The following ADNP2 variants were observed in gnomAD, a reference collection of about 807,000 sequenced individuals.
ADNP2 encodes ADNP homeobox 2.
ADNP2 carries 8 observed loss-of-function variants against 16.4 expected under a neutral mutation model. The ratio of observed to expected loss-of-function variants is 0.49; its 90% CI spans 0.29 to 0.88. The LOEUF is 0.88. ADNP2 is among the 40% of genes least tolerant of loss of function. ADNP2 has a pLI of 0.09. For synonymous variants in ADNP2, 637 were observed against 545.8 expected, an observed-to-expected ratio of 1.17 and a Z score of -2.33; for missense variants, 1,397 against 1,395.1, an observed-to-expected ratio of 1.00 and a Z score of -0.02.
At chr18:80,131,761 A>T (rs1268323322) in intron 2 of ADNP2, among the ~76,000 whole-genome samples, 1 of 151,120 alleles carries the variant, frequency 6.6e-6, no homozygotes, top group African/African-American at 2.4e-5. Context: ...AGAAAACCAA[A>T]CACTGCATGT....
At position 80,138,346 on chromosome 18, in the gene ADNP2, G is replaced by A; in HGVS notation, c.2933G>A (p.Arg978Lys). ...VMHDSSFSVKRKLPDGHLGAE... is the reference protein window; with the variant it reads ...VMHDSSFSVKKKLPDGHLGAE... ...CATGATTCCAGTTTTTCTGTTAAGA[G>A]AAAGCTGCCTGACGGCCACTTAGGG... Residue 978 changes from arginine (R) to lysine (K), a missense_variant, in exon 4 of 4, where the codon AGA becomes AAA. This residue lies in a region of ADNP2 where 611 missense variants were observed against 648.7 expected (regional missense o/e 0.94). Transcript: ENST00000262198. The A allele has an allele frequency of 1.2e-6, 2 of 1,614,126 alleles. No homozygotes were observed. The highest frequency in any genetic ancestry group is 2.2e-5 in the South Asian group (2 of 91,090).
rs1469258936 is a variant in ADNP2, at chr18:80,137,761, A to G, written c.2348A>G (p.Lys783Arg). 3 of 1,614,228 alleles carry G rather than the reference A, an allele frequency of 1.9e-6. No individual in the cohort carries two copies. Among genetic ancestry groups the G allele is most frequent in the Non-Finnish European group, 2.5e-6 (3 of 1,180,038 alleles). Residue 783 changes from lysine to arginine, a missense_variant, in exon 4 of 4, where the codon AAA becomes AGA. Lys to Arg is a conservative substitution (Grantham distance 26, BLOSUM62 2). Transcript: ENST00000262198. This position sits in a 1 kb window ranked among gnomAD's most constrained non-coding sequence, Gnocchi z 4.2. ...TGTCCATGCACCTTCCATGATATCA[A>G]AGGTCTTTCAGAGCACAGCAGGAAT... is the stretch of plus-strand genomic sequence containing the variant. The part of the protein sequence containing the change: ...LFCPCTFHDI[K>R]GLSEHSRNRH...
At chr18:80,133,567 T>C (rs1013373691) in intron 3 of ADNP2, 6 of 193,292 alleles carry the variant, frequency 3.1e-5, no homozygotes, top group African/African-American at 1.2e-4. Flanking sequence ...AATGTAGACC[T>C]CTGAATCAAG....
intron 2 of ADNP2, among the ~76,000 whole-genome samples, chr18:80,123,032 AT>A (rs2052434922): frequency 1.3e-5 from 2 of 151,464 alleles, no homozygotes; most frequent in East Asian, 1.9e-4. Flanking sequence ...AACCTGTTGG[AT>A]TTTATCAGAT....
chr18:80,127,624 C>T (rs1411396426), intron 2 of ADNP2, among the ~76,000 whole-genome samples: 2 of 151,902 alleles, frequency 1.3e-5, no homozygotes, highest in Non-Finnish European at 2.9e-5. Context: ...TGTTTTTTGA[C>T]TGGCAGTTTT....
chr18:80,115,926 G>A (rs1286070423), intron 1 of ADNP2, among the ~76,000 whole-genome samples: 3 of 152,068 alleles, frequency 2.0e-5, no homozygotes, highest in Non-Finnish European at 4.4e-5. Context: ...CAGGTGCCCA[G>A]CTAATTTTTT....
Position 80,131,875 on chromosome 18 carries a change from G to A in ADNP2, c.109-1228G>A, listed in dbSNP as rs530594504. ...GGGGTGGGGGGCAGGGGGAGGGATA[G>A]CATTAGGAGAAATACCTAATGTAAA... On this transcript the variant is annotated intron_variant, in intron 2 of 3. Transcript: ENST00000262198. Among the ~76,000 whole-genome samples, 87 of 152,186 alleles carry A rather than the reference G, an allele frequency of 5.7e-4. No individual in the cohort carries two copies. In the South Asian group the frequency reaches 0.017, roughly 30 times the overall value.
In ADNP2 at chr18:80,136,616, A is replaced by AC; in HGVS notation, c.1207dup (p.Leu403ProfsTer144). On this transcript the variant is annotated frameshift_variant, in exon 4 of 4. Transcript: ENST00000262198. LOFTEE classifies it low-confidence loss of function (END_TRUNC). The stretch of plus-strand genomic sequence containing the variant: ...ATCAGACTGTTCGCCCTGGGGTTTT[A>AC]CCCCTCACCCAGCCTGTGGGACCCA... The AC allele has an allele frequency of 6.2e-7, 1 of 1,613,704 alleles. No homozygotes were observed. Among genetic ancestry groups the AC allele is most frequent in the Non-Finnish European group, 8.5e-7 (1 of 1,179,936 alleles).
intron 2 of ADNP2, among the ~76,000 whole-genome samples, chr18:80,122,620 G>A (rs2052431954): frequency 6.6e-6 from 1 of 152,294 alleles, no homozygotes; most frequent in Non-Finnish European, 1.5e-5. Flanking sequence ...TTCCTGTTCA[G>A]ATTTTTCAGT....
chr18:80,110,345 T>G (rs888044400), intron 1 of ADNP2, among the ~76,000 whole-genome samples: 1 of 152,208 alleles, frequency 6.6e-6, no homozygotes, highest in African/African-American at 2.4e-5. Flanking sequence ...CTTGCCTGCG[T>G]GCTTAAAACT....
intron 1 of ADNP2, among the ~76,000 whole-genome samples, chr18:80,112,665 C>G (rs2052365312): frequency 1.3e-5 from 2 of 152,214 alleles, no homozygotes; most frequent in Admixed American, 6.5e-5. Context: ...AGACCCCTGC[C>G]CAATCTCTGA....
At chr18:80,115,939 A>G (rs371694450) in intron 1 of ADNP2, among the ~76,000 whole-genome samples, 153 of 152,092 alleles carry the variant, frequency 1.0e-3, no homozygotes, top group African/African-American at 3.4e-3. Context: ...AATTTTTTGT[A>G]TTTTTAGTAG....
At chr18:80,135,314 G>T (rs2052524577) in intron 3 of ADNP2, among the ~76,000 whole-genome samples, 1 of 152,324 alleles carries the variant, frequency 6.6e-6, no homozygotes, top group Admixed American at 6.5e-5. Flanking sequence ...ATTCAAATTG[G>T]TGTTTGTAAA....
intron 1 of ADNP2, among the ~76,000 whole-genome samples, chr18:80,113,724 A>G (rs1328460007): frequency 6.6e-6 from 1 of 152,192 alleles, no homozygotes; most frequent in Non-Finnish European, 1.5e-5. Flanking sequence ...AGTTCAGCCC[A>G]ATAGGAGAAA....
At chr18:80,123,510 C>G (rs1237302602) in intron 2 of ADNP2, among the ~76,000 whole-genome samples, 1 of 149,846 alleles carries the variant, frequency 6.7e-6, no homozygotes, top group Admixed American at 6.7e-5. Flanking sequence ...AGCTGAGATT[C>G]AGGCATGCGC....
Position 80,138,633 on chromosome 18 carries a change from G to C in ADNP2, c.3220G>C (p.Glu1074Gln). ...KKPYPSKKEI[E>Q]LLSSLFWVWK... is the part of the protein sequence containing the mutation. ...ACCATATCCTAGTAAAAAGGAAATAGAACTGTTGTCCTCACTCTTTTGGGT... is the reference window on the plus strand; with the variant it reads ...ACCATATCCTAGTAAAAAGGAAATACAACTGTTGTCCTCACTCTTTTGGGT... Residue 1074 changes from glutamate (E) to glutamine (Q), a missense_variant, in exon 4 of 4, where the codon GAA (glutamate) becomes CAA (glutamine). Physicochemically the swap from Glu to Gln is conservative, Grantham distance 29. Around this residue, in one of 3 missense-constraint regions of ADNP2, gnomAD observed 611 missense variants for 648.7 expected, o/e 0.94. Transcript: ENST00000262198. 6.2e-7 allele frequency: 1 copy of C among 1,610,162 alleles called. No individual in the cohort carries two copies.
rs1458527454 is a variant in ADNP2 at position 80,136,524 on chromosome 18, G to A, written c.1111G>A (p.Val371Met). 6 of 1,614,104 alleles carry A rather than the reference G, an allele frequency of 3.7e-6. No homozygotes were observed. Among genetic ancestry groups the A allele is most frequent in the Non-Finnish European group, 5.1e-6 (6 of 1,180,056 alleles). ...ACTTCATCAGTCTGTGAATCCTCCT[G>A]TGTTGCCCTTGAGTCAGCCAGTCGG... ...VPLHQSVNPPVLPLSQPVGPV... is the reference protein window; with the variant it reads ...VPLHQSVNPPMLPLSQPVGPV... The change falls in exon 4 of 4, where the codon GTG becomes ATG. Residue 371 changes from valine to methionine, a missense_variant. Physicochemically the swap from Val to Met is conservative, Grantham distance 21. This residue lies in a region of ADNP2 where 777 missense variants were observed against 719.4 expected (regional missense o/e 1.08). Transcript: ENST00000262198.
At chr18:80,131,507 CG>C (rs2052496030) in intron 2 of ADNP2, among the ~76,000 whole-genome samples, 1 of 149,960 alleles carries the variant, frequency 6.7e-6, no homozygotes, top group Admixed American at 6.7e-5. Flanking sequence ...TTCCCTAAGA[CG>C]AATGGATTGA....
intron 2 of ADNP2, among the ~76,000 whole-genome samples, chr18:80,130,349 C>A (rs370661752): frequency 3.9e-5 from 6 of 152,142 alleles, no homozygotes; most frequent in African/African-American, 1.4e-4. Flanking sequence ...CCATATCACG[C>A]GATTATGGAC....
Sources: allele counts gnomAD v4.1 joint callset (sites outside exome capture counted in the v4.1 genomes callset), GRCh38; gene constraint gnomAD v4.1.1; regional missense constraint gnomAD v4.1.1; non-coding constraint Gnocchi (gnomAD v3.1); transcripts MANE v1.5; gene names NCBI Gene and HGNC (gene_info 2026-07-23, HGNC 2026-07-21).